The following PDS5A variants were observed in gnomAD, a reference collection of about 807,000 sequenced individuals.
PDS5A encodes the protein sister chromatid cohesion protein PDS5 homolog A.
A neutral mutation model predicts 167.1 loss-of-function variants in PDS5A; 42 were observed. The ratio of observed to expected loss-of-function variants is 0.25; its 90% CI spans 0.20 to 0.33. The LOEUF is 0.33. PDS5A is among the 10% of genes least tolerant of loss of function. The pLI is 1.00. For missense variants in PDS5A, 1,033 were observed against 1,605.9 expected, an observed-to-expected ratio of 0.64 and a Z score of 6.10; for synonymous variants, 553 against 554.6, an observed-to-expected ratio of 1.00 and a Z score of 0.04.
At chr4:39,911,798 C>G (rs1482788815) in intron 9 of PDS5A, among the ~76,000 whole-genome samples, 1 of 145,876 alleles carries the variant, frequency 6.9e-6, no homozygotes, top group Non-Finnish European at 1.5e-5. Context: ...CGCCACTGCA[C>G]TCCAGCCTGG....
intron 28 of PDS5A, 125 bp downstream of exon 28, chr4:39,848,724 CTT>C: frequency 3.8e-6 from 3 of 783,362 alleles, no homozygotes; most frequent in South Asian, 1.7e-5. Context: ...ATTTCCCACT[CTT>C]TGATAAACCC....
At chr4:39,950,627 C>G (rs562688016) in intron 2 of PDS5A, among the ~76,000 whole-genome samples, 1 of 152,228 alleles carries the variant, frequency 6.6e-6, no homozygotes, top group African/African-American at 2.4e-5. Context: ...CTCTGTCGCC[C>G]AGACTGGAGT....
chr4:39,958,240 T>G (rs1390129331), intron 2 of PDS5A, among the ~76,000 whole-genome samples: 2 of 151,056 alleles, frequency 1.3e-5, no homozygotes, highest in Admixed American at 6.6e-5. Context: ...GGCATGGTGG[T>G]TCACACCTGT....
intron 22 of PDS5A, chr4:39,868,592 G>A: frequency 2.2e-6 from 1 of 448,794 alleles, no homozygotes; most frequent in South Asian, 1.6e-5. Context: ...GCCTCCCAAA[G>A]TGCTGGGATT....
At chr4:39,842,935 A>ATATATATATATATATATATATT (rs1717190137) in intron 30 of PDS5A, among the ~76,000 whole-genome samples, 1 of 139,714 alleles carries the variant, frequency 7.2e-6, no homozygotes, top group Non-Finnish European at 1.5e-5. Context: ...ATATATATAT[A>ATATATATATATATATATATATT]TATTTTAAGA....
intron 2 of PDS5A, among the ~76,000 whole-genome samples, chr4:39,971,298 G>A (rs1730510666): frequency 6.6e-6 from 1 of 152,008 alleles, no homozygotes; most frequent in Admixed American, 6.6e-5. Context: ...TGGGACTACA[G>A]GCCCCGCCAC....
chr4:39,853,274 ACT>A (rs1333118084), intron 26 of PDS5A, among the ~76,000 whole-genome samples: 1 of 151,982 alleles, frequency 6.6e-6, no homozygotes, highest in Non-Finnish European at 1.5e-5. Context: ...GCTTTGAAAA[ACT>A]CAAGAACAAT....
At chr4:39,885,448 T>A (rs1721359607) in intron 17 of PDS5A, among the ~76,000 whole-genome samples, 1 of 148,650 alleles carries the variant, frequency 6.7e-6, no homozygotes, top group South Asian at 2.2e-4. Context: ...AAAGAACTTT[T>A]AAAAAAATTA....
chr4:39,957,374 T>C (rs6811688), intron 2 of PDS5A, among the ~76,000 whole-genome samples: 11,828 of 152,096 alleles, frequency 0.078, 513 homozygotes, highest in Middle Eastern at 0.18. Flanking sequence ...ATTCATATTA[T>C]AATTAAGTAC....
At position 39,844,722 on chromosome 4, in the gene PDS5A, C is replaced by T. The variant is rs1560421374; in HGVS notation, c.3482G>A (p.Gly1161Asp). ...TGRKPYVRST[G>D]TETGSNINVN... is the part of the protein sequence containing the mutation. Reference sequence around the variant, plus strand: ...ATTAATATTGCTTCCAGTCTCAGTGCCAGTGCTTCTAACATAGGGTTTCCT... The same window carrying T: ...ATTAATATTGCTTCCAGTCTCAGTGTCAGTGCTTCTAACATAGGGTTTCCT... The change falls in exon 30 of 33, where the codon GGC (glycine) becomes GAC (aspartate). Residue 1161 changes from glycine to aspartate, a missense_variant. Transcript: ENST00000303538. 6.2e-7 allele frequency: 1 copy of T among 1,613,216 alleles called. No homozygotes were observed. The highest frequency in any genetic ancestry group is 8.5e-7 in the Non-Finnish European group (1 of 1,179,440).
At chr4:39,901,139 CT>C (rs1278275834) in intron 13 of PDS5A, among the ~76,000 whole-genome samples, 1 of 152,042 alleles carries the variant, frequency 6.6e-6, no homozygotes, top group Non-Finnish European at 1.5e-5. Flanking sequence ...TCTAAACACT[CT>C]TTGTCAGATA....
chr4:39,893,438 T>C lies in PDS5A; in HGVS notation c.1771-3074A>G, dbSNP rs1258594325. Among the ~76,000 whole-genome samples, 4 of 152,310 alleles carry C rather than the reference T, an allele frequency of 2.6e-5. No homozygotes were observed. In the South Asian group the frequency reaches 8.3e-4, roughly 32 times the overall value. ...GAGGGAAGAAAATATTAGATTTCTA[T>C]GCCTACTAACTCTCGTATCAAGTAA... On this transcript the variant is annotated intron_variant, in intron 16 of 32. Transcript: ENST00000303538.
intron 2 of PDS5A, among the ~76,000 whole-genome samples, chr4:39,964,815 TGCC>T (rs1729824287): frequency 6.6e-6 from 1 of 151,902 alleles, no homozygotes; most frequent in South Asian, 2.1e-4. Context: ...TGGTGGCACA[TGCC>T]TGTAATCCCA....
chr4:39,893,218 C>G (rs991163844), intron 16 of PDS5A, among the ~76,000 whole-genome samples: 7 of 152,096 alleles, frequency 4.6e-5, no homozygotes, highest in African/African-American at 1.7e-4. Flanking sequence ...AGTATGTGGT[C>G]CTTCTCTAGG....
chr4:39,887,554 C>A (rs1207080376), intron 17 of PDS5A, among the ~76,000 whole-genome samples: 2 of 151,978 alleles, frequency 1.3e-5, no homozygotes, highest in East Asian at 1.9e-4. Context: ...CAGTGATAGA[C>A]CCCTATCCCT....
chr4:39,828,214 T>C (rs1253728316), intron 32 of PDS5A, among the ~76,000 whole-genome samples: 1 of 152,180 alleles, frequency 6.6e-6, no homozygotes, highest in Non-Finnish European at 1.5e-5. Context: ...GAAACCCACA[T>C]ACATGCAAAT....
chr4:39,932,168 C>G (rs1379170962), intron 2 of PDS5A, among the ~76,000 whole-genome samples: 2 of 152,160 alleles, frequency 1.3e-5, no homozygotes, highest in Non-Finnish European at 2.9e-5. Flanking sequence ...GCTGGGATTA[C>G]AGGCATGAGC....
intron 2 of PDS5A, among the ~76,000 whole-genome samples, chr4:39,975,302 G>A (rs1311644486): frequency 6.6e-6 from 1 of 152,058 alleles, no homozygotes; most frequent in Non-Finnish European, 1.5e-5. Flanking sequence ...GCAACAAATT[G>A]CAGAACCAAA....
intron 26 of PDS5A, among the ~76,000 whole-genome samples, chr4:39,855,901 T>C (rs778136753): frequency 5.3e-5 from 8 of 152,074 alleles, no homozygotes; most frequent in Non-Finnish European, 1.0e-4. Flanking sequence ...AGACAGAAAG[T>C]AGCAGAAAAA....
Sources: allele counts gnomAD v4.1 joint callset (sites outside exome capture counted in the v4.1 genomes callset), GRCh38; gene constraint gnomAD v4.1.1; transcripts MANE v1.5; gene names NCBI Gene and HGNC (gene_info 2026-07-23, HGNC 2026-07-21).